DENND1A: variants seen among roughly 807,000 people sequenced by gnomAD.
The protein encoded by DENND1A is DENN domain containing 1A, also known as DENN domain-containing protein 1A.
DENND1A carries 51 observed loss-of-function variants against 113.7 expected under a neutral mutation model. That is an observed-to-expected ratio of 0.45 (90% CI 0.36 to 0.57). The LOEUF (loss-of-function observed/expected upper bound fraction) is 0.57, where lower values mean the gene tolerates loss of function less well. Among genes scored for constraint, DENND1A ranks in the 20% least tolerant of loss-of-function variants. DENND1A has a pLI of 0.00. For missense variants in DENND1A, 1,258 were observed against 1,395.9 expected, an observed-to-expected ratio of 0.90 and a Z score of 1.57; for synonymous variants, 565 against 570.8, an observed-to-expected ratio of 0.99 and a Z score of 0.14.
At chr9:123,870,338 C>T (rs1258918838) in intron 2 of DENND1A, among the ~76,000 whole-genome samples, 2 of 150,914 alleles carry the variant, frequency 1.3e-5, no homozygotes, top group South Asian at 2.1e-4. Flanking sequence ...GATGTGATCG[C>T]GGCTCACTGC....
intron 13 of DENND1A, among the ~76,000 whole-genome samples, chr9:123,526,378 C>T (rs375843084): frequency 6.6e-6 from 1 of 152,166 alleles, no homozygotes; most frequent in East Asian, 1.9e-4. Flanking sequence ...CTGGTCCTAC[C>T]GAATACGCTT....
At chr9:123,536,234 C>T (rs933602231) in intron 13 of DENND1A, among the ~76,000 whole-genome samples, 1 of 152,096 alleles carries the variant, frequency 6.6e-6, no homozygotes, top group African/African-American at 2.4e-5. Flanking sequence ...CTTTGGGAGG[C>T]CGAGGCAGGT....
At chr9:123,713,454 C>T (rs1192156712) in intron 5 of DENND1A, among the ~76,000 whole-genome samples, 1 of 152,236 alleles carries the variant, frequency 6.6e-6, no homozygotes, top group African/African-American at 2.4e-5. Context: ...CACCTGGAAT[C>T]ACTTAAGAGA....
At chr9:123,409,286 T>C (rs2044123138) in intron 20 of DENND1A, among the ~76,000 whole-genome samples, 1 of 151,968 alleles carries the variant, frequency 6.6e-6, no homozygotes. Flanking sequence ...TTTTCTTGAC[T>C]GAATTTTTTT....
rs57819030 is a variant in DENND1A, at chr9:123,531,554, T to TACACACACAC, written c.993+26006_993+26015dup. On this transcript the variant is annotated intron_variant, in intron 13 of 23. Transcript: ENST00000394215. ...ATCCTTCTCTTCCCCCCTCTCTCTC[T>TACACACACAC]ACACACACACACACACACACACACA... Among the ~76,000 whole-genome samples the TACACACACAC allele has an allele frequency of 2.4e-3, 250 of 103,174 alleles. 2 individuals are homozygous for TACACACACAC. Among genetic ancestry groups the TACACACACAC allele is most frequent in the Middle Eastern group, 9.7e-3 (2 of 206 alleles). 67.7% of individuals were successfully genotyped at this position (103,174 alleles called of 152,430 possible).
At chr9:123,522,678 A>C (rs1251891246) in intron 13 of DENND1A, among the ~76,000 whole-genome samples, 4 of 152,170 alleles carry the variant, frequency 2.6e-5, no homozygotes. Flanking sequence ...CTTGGTGTTA[A>C]TGATTACAAC....
intron 3 of DENND1A, among the ~76,000 whole-genome samples, chr9:123,777,871 C>A (rs994412034): frequency 6.6e-6 from 1 of 152,130 alleles, no homozygotes; most frequent in African/African-American, 2.4e-5. Context: ...TTGATTAGAA[C>A]GTCTCACTAA....
At chr9:123,926,151 G>A (rs1281694604) in intron 1 of DENND1A, among the ~76,000 whole-genome samples, 2 of 152,200 alleles carry the variant, frequency 1.3e-5, no homozygotes, top group Non-Finnish European at 2.9e-5. Context: ...TATTCTTCTA[G>A]ATAAATGTCC....
intron 2 of DENND1A, among the ~76,000 whole-genome samples, chr9:123,851,011 C>T (rs561273264): frequency 9.9e-4 from 150 of 152,108 alleles, no homozygotes; most frequent in African/African-American, 3.4e-3. Context: ...CTATATATTG[C>T]TTTCAAGAGA....
At chr9:123,873,183 A>T (rs1846920984) in intron 2 of DENND1A, among the ~76,000 whole-genome samples, 2 of 152,238 alleles carry the variant, frequency 1.3e-5, no homozygotes, top group Admixed American at 6.5e-5. Context: ...AGGTACCTGA[A>T]ATCAAATATT....
At chr9:123,581,025 TA>T (rs962501215) in intron 12 of DENND1A, among the ~76,000 whole-genome samples, 1 of 151,878 alleles carries the variant, frequency 6.6e-6, no homozygotes, top group African/African-American at 2.4e-5. Flanking sequence ...GCTACAACAC[TA>T]ACTGTCATTC....
At chr9:123,834,695 G>T (rs1008324607) in intron 2 of DENND1A, among the ~76,000 whole-genome samples, 2 of 152,260 alleles carry the variant, frequency 1.3e-5, no homozygotes, top group Admixed American at 1.3e-4. Context: ...AAACAAAACG[G>T]ACTTCTCAAT....
chr9:123,624,989 T>C (rs1436768143), intron 10 of DENND1A, among the ~76,000 whole-genome samples: 1 of 152,084 alleles, frequency 6.6e-6, no homozygotes, highest in Non-Finnish European at 1.5e-5. Flanking sequence ...TATTGGAAAA[T>C]ATGGAAAATA....
intron 4 of DENND1A, among the ~76,000 whole-genome samples, chr9:123,765,447 G>T (rs539426784): frequency 6.6e-6 from 1 of 152,300 alleles, no homozygotes; most frequent in African/African-American, 2.4e-5. Flanking sequence ...ATGGTAAGTA[G>T]CATTTGAGCC....
intron 12 of DENND1A, among the ~76,000 whole-genome samples, chr9:123,563,887 C>A (rs1344539769): frequency 6.6e-6 from 1 of 152,174 alleles, no homozygotes. Context: ...TTATCGTATT[C>A]TCTAACAAAC....
At chr9:123,899,496 G>C (rs1375958297) in intron 1 of DENND1A, among the ~76,000 whole-genome samples, 1 of 151,892 alleles carries the variant, frequency 6.6e-6, no homozygotes, top group Admixed American at 6.6e-5. Context: ...GAAAAAATAA[G>C]GTAATATAAT....
chr9:123,478,345 A>G (rs1458702908), intron 13 of DENND1A, among the ~76,000 whole-genome samples: 5 of 152,232 alleles, frequency 3.3e-5, no homozygotes, highest in Non-Finnish European at 7.3e-5. Context: ...TGGGGGCACC[A>G]TGGTAGCTGT....
rs779118787 is a variant in DENND1A at position 123,894,289 on chromosome 9, C to CA, written c.18-15269dup. ...ACAACGTTCAGAACTGTGATATACT[C>CA]AAATGTGTGCTCTATAAATATTGCT... On this transcript the variant is annotated intron_variant, in intron 1 of 23. Transcript: ENST00000394215. Among the ~76,000 whole-genome samples the CA allele has an allele frequency of 5.0e-4, 76 of 152,240 alleles. 3 individuals carry two copies. The highest frequency in any genetic ancestry group is 6.5e-5 in the Admixed American group (1 of 15,290).
intron 2 of DENND1A, among the ~76,000 whole-genome samples, chr9:123,829,789 C>CATATG (rs1230946018): frequency 6.6e-6 from 1 of 152,024 alleles, no homozygotes; most frequent in African/African-American, 2.4e-5. Flanking sequence ...TTCTTCCAAC[C>CATATG]TTTTAAGGAA....
Sources: allele counts gnomAD v4.1 joint callset (sites outside exome capture counted in the v4.1 genomes callset), GRCh38; gene constraint gnomAD v4.1.1; transcripts MANE v1.5; gene names NCBI Gene and HGNC (gene_info 2026-07-23, HGNC 2026-07-21).